Variants in BCAS3 observed in about 807,000 individuals in gnomAD.
The protein encoded by BCAS3 is BCAS4/BCAS3 fusion.
In BCAS3, 53 loss-of-function variants were observed where a neutral mutation model predicts 116.1. That is an observed-to-expected ratio of 0.46 (90% confidence interval 0.37 to 0.57). BCAS3 has a LOEUF of 0.57. BCAS3 is among the 20% of genes least tolerant of loss of function. The pLI is 0.00. For missense variants in BCAS3, 917 were observed against 1,165.4 expected, an observed-to-expected ratio of 0.79 and a Z score of 3.10; for synonymous variants, 391 against 408.2, an observed-to-expected ratio of 0.96 and a Z score of 0.51.
intron 22 of BCAS3, among the ~76,000 whole-genome samples, chr17:61,099,031 G>A (rs2074151843): frequency 6.6e-6 from 1 of 152,150 alleles, no homozygotes; most frequent in Non-Finnish European, 1.5e-5. Context: ...GGCTGAGGCA[G>A]GAGAATGTCA....
At chr17:60,701,407 T>C (rs1877544346) in intron 4 of BCAS3, among the ~76,000 whole-genome samples, 1 of 152,184 alleles carries the variant, frequency 6.6e-6, no homozygotes, top group African/African-American at 2.4e-5. Flanking sequence ...ATCCAATGCT[T>C]ATGTAACCAA....
intron 14 of BCAS3, among the ~76,000 whole-genome samples, chr17:60,975,613 G>T (rs1013466809): frequency 1.1e-4 from 16 of 152,124 alleles, no homozygotes; most frequent in African/African-American, 3.6e-4. Flanking sequence ...AGTATATTCA[G>T]TTATCCATTG....
chr17:60,793,800 A>G (rs888801868), intron 6 of BCAS3, among the ~76,000 whole-genome samples: 2 of 151,908 alleles, frequency 1.3e-5, no homozygotes, highest in Non-Finnish European at 2.9e-5. Context: ...TTTCTTATCC[A>G]CTTGTTGATT....
chr17:61,010,086 T>G (rs2145510373), intron 15 of BCAS3, among the ~76,000 whole-genome samples: 1 of 151,080 alleles, frequency 6.6e-6, no homozygotes, highest in Admixed American at 6.6e-5. Flanking sequence ...TTTTTTTTTT[T>G]TTCCTGTGGA....
chr17:60,779,544 T>G (rs1568233499), intron 6 of BCAS3, among the ~76,000 whole-genome samples: 1 of 152,036 alleles, frequency 6.6e-6, no homozygotes, highest in Non-Finnish European at 1.5e-5. Context: ...TAATTTTGTA[T>G]TTTTAGTAGA....
Position 61,065,073 on chromosome 17 carries a change from G to T in BCAS3, c.2030-9847G>T, listed in dbSNP as rs1392664611. Among the ~76,000 whole-genome samples, 1 of 151,786 alleles carries T rather than the reference G, an allele frequency of 6.6e-6. No homozygotes were observed. Among genetic ancestry groups the T allele is most frequent in the Non-Finnish European group, 1.5e-5 (1 of 67,944 alleles). ...ATGTGTGTTATTTTTAATCTGAAAG[G>T]GTTCTCCCTTTTTTTAGTCATTTAA... On this transcript the variant is annotated intron_variant, in intron 19 of 23. Transcript: ENST00000407086. This position sits in a 1 kb window ranked among gnomAD's most constrained non-coding sequence, Gnocchi z 4.8.
At chr17:60,863,776 C>T (rs1252639560) in intron 7 of BCAS3, among the ~76,000 whole-genome samples, 3 of 151,930 alleles carry the variant, frequency 2.0e-5, no homozygotes, top group Non-Finnish European at 4.4e-5. Context: ...TTACACTATA[C>T]TATAGTCTCT....
At chr17:60,786,322 C>G (rs1223078487) in intron 6 of BCAS3, among the ~76,000 whole-genome samples, 1 of 151,888 alleles carries the variant, frequency 6.6e-6, no homozygotes, top group Non-Finnish European at 1.5e-5. Flanking sequence ...GCTTTTAGCA[C>G]CTAATTCTGA....
In BCAS3 at chr17:60,963,536, A is replaced by G. The variant is rs574146651; in HGVS notation, c.1221+16184A>G. On this transcript the variant is annotated intron_variant, in intron 14 of 23. Transcript: ENST00000407086. ...TTCTTTTTCAGATTGTTCCCTGTTG[A>G]TGTATATAAATGCTATCGATTTTTT... Among the ~76,000 whole-genome samples the G allele has an allele frequency of 1.2e-3, 181 of 148,926 alleles. No individual in the cohort carries two copies. The Middle Eastern group carries it at 0.018, about 14-fold the overall frequency.
At chr17:61,018,584 G>A (rs1436208732) in intron 16 of BCAS3, among the ~76,000 whole-genome samples, 2 of 152,078 alleles carry the variant, frequency 1.3e-5, no homozygotes, top group Non-Finnish European at 2.9e-5. Context: ...TTACAGGCAT[G>A]AGCCACCACG....
chr17:60,695,408 A>G (rs765451982), intron 4 of BCAS3, among the ~76,000 whole-genome samples: 5 of 152,148 alleles, frequency 3.3e-5, no homozygotes, highest in Non-Finnish European at 7.3e-5. Flanking sequence ...CACCGCGCCC[A>G]GCCCTGTACC....
intron 13 of BCAS3, among the ~76,000 whole-genome samples, chr17:60,927,229 T>A (rs9914029): frequency 5.9e-5 from 9 of 151,670 alleles, no homozygotes; most frequent in East Asian, 3.8e-4. Flanking sequence ...TTATTTATTT[T>A]TTTCTTTCTT....
At chr17:60,901,924 G>A (rs1016810554) in intron 10 of BCAS3, among the ~76,000 whole-genome samples, 5 of 152,260 alleles carry the variant, frequency 3.3e-5, no homozygotes, top group South Asian at 2.1e-4. Flanking sequence ...GGAAGTAGAG[G>A]ACCAGTGGAG....
chr17:60,947,108 G>T, intron 13 of BCAS3, 111 bp from the exon 14 acceptor site: 2 of 1,071,690 alleles, frequency 1.9e-6, no homozygotes, highest in Non-Finnish European at 1.3e-6. Context: ...TTATAGCCTT[G>T]GTAATTTTTT....
chr17:61,068,765 C>T lies in BCAS3; in HGVS notation c.2030-6155C>T, dbSNP rs2071000313. Reference sequence around the variant, plus strand: ...ACCCTCTTTTTTCCCCTTTCTGTCTCTGCCAGTCTCGCTCCAATCTCAGGG... The same window carrying T: ...ACCCTCTTTTTTCCCCTTTCTGTCTTTGCCAGTCTCGCTCCAATCTCAGGG... On this transcript the variant is annotated intron_variant, in intron 19 of 23. Transcript: ENST00000407086. This position sits in a 1 kb window ranked among gnomAD's most constrained non-coding sequence, Gnocchi z 4.3. Among the ~76,000 whole-genome samples, 1 of 152,166 alleles carries T rather than the reference C, an allele frequency of 6.6e-6. No homozygotes were observed. Among genetic ancestry groups the T allele is most frequent in the African/African-American group, 2.4e-5 (1 of 41,424 alleles).
intron 23 of BCAS3, among the ~76,000 whole-genome samples, chr17:61,369,013 C>T (rs1004570589): frequency 1.3e-5 from 2 of 152,148 alleles, no homozygotes; most frequent in Non-Finnish European, 2.9e-5. Context: ...TGGCTTCCTG[C>T]ATCCCAGAGC....
chr17:61,067,273 G>GTGTGTGTATATATATATATATA (rs1251223420), intron 19 of BCAS3, among the ~76,000 whole-genome samples: 5 of 58,794 alleles, frequency 8.5e-5, no homozygotes, highest in African/African-American at 3.5e-4. Flanking sequence ...GTGTGTATGT[G>GTGTGTGTATATATATATATATA]TATATATATA....
chr17:61,130,339 G>T lies in BCAS3; in HGVS notation c.2425+45775G>T, dbSNP rs1210512159. Among the ~76,000 whole-genome samples the T allele has an allele frequency of 6.6e-6, 1 of 152,090 alleles. No individual in the cohort carries two copies. Among genetic ancestry groups the T allele is most frequent in the Admixed American group, 6.5e-5 (1 of 15,270 alleles). ...CCAATTAATTATGAGAAATTCATCTGTACAATTTTCTTATTAATTCTCGTA... is the reference window on the plus strand; with the variant it reads ...CCAATTAATTATGAGAAATTCATCTTTACAATTTTCTTATTAATTCTCGTA... On this transcript the variant is annotated intron_variant, in intron 22 of 23. Transcript: ENST00000407086. The surrounding 1 kb of genome is among the most constrained non-coding windows in gnomAD (Gnocchi z 5.0).
intron 22 of BCAS3, among the ~76,000 whole-genome samples, chr17:61,345,828 A>C (rs2143286079): frequency 1.3e-5 from 2 of 152,282 alleles, no homozygotes; most frequent in South Asian, 4.1e-4. Flanking sequence ...AGGGGCAAGC[A>C]GGCTCCTTGA....
Sources: gnomAD v4.1 joint callset for allele counts (sites outside exome capture counted in the v4.1 genomes callset) on GRCh38, gnomAD v4.1.1 for gene constraint, Gnocchi (gnomAD v3.1) non-coding constraint, MANE v1.5 for transcripts, NCBI Gene and HGNC (gene_info 2026-07-23, HGNC 2026-07-21) for gene names.